Variants in TRPM3 observed in about 807,000 individuals in gnomAD.
TRPM3 encodes the protein transient receptor potential cation channel subfamily M member 3, also known as long transient receptor potential channel 3.
TRPM3 carries 77 observed loss-of-function variants against 181.2 expected under a neutral mutation model. The ratio of observed to expected loss-of-function variants is 0.42; its 90% CI spans 0.35 to 0.51. TRPM3 has a LOEUF of 0.51. Among genes scored for constraint, TRPM3 ranks in the 20% least tolerant of loss-of-function variants. The pLI, the probability that TRPM3 is intolerant of heterozygous loss-of-function variation, is 0.01. For missense variants in TRPM3, 1,759 were observed against 2,196.7 expected (o/e 0.80, Z 3.98); for synonymous variants, 745 against 796.4 (o/e 0.94, Z 1.09).
At chr9:71,165,414 T>C (rs1211750102) in intron 1 of TRPM3, among the ~76,000 whole-genome samples, 1 of 152,136 alleles carries the variant, frequency 6.6e-6, no homozygotes, top group African/African-American at 2.4e-5. Flanking sequence ...GGTTTCTGCC[T>C]CAAAGTAGCT....
intron 8 of TRPM3, among the ~76,000 whole-genome samples, chr9:70,698,740 T>C (rs1285923253): frequency 6.6e-5 from 10 of 152,040 alleles, no homozygotes; most frequent in Admixed American, 2.0e-4. Context: ...CCATCCCCCC[T>C]TGGTACTGTA....
At chr9:70,893,540 T>C (rs1415341261) in intron 1 of TRPM3, among the ~76,000 whole-genome samples, 1 of 152,044 alleles carries the variant, frequency 6.6e-6, no homozygotes, top group Non-Finnish European at 1.5e-5. Flanking sequence ...CTACGAATGG[T>C]TTATGGAATA....
rs563272469 is a variant in TRPM3, at chr9:71,403,368, C to T, written c.183+43285G>A. ...ACTCCTGTTCTAGAGAAAGAAGCAA[C>T]GGAAGATTTAGAAACTGAGTTTGTC... On this transcript the variant is annotated intron_variant, in intron 1 of 24. Transcript: ENST00000357533. Among the ~76,000 whole-genome samples, 26 of 152,120 alleles carry T rather than the reference C, an allele frequency of 1.7e-4. No homozygotes were observed. The South Asian group carries it at 4.6e-3, about 27-fold the overall frequency.
chr9:70,557,070 G>A (rs192715733), intron 22 of TRPM3, among the ~76,000 whole-genome samples: 21 of 152,324 alleles, frequency 1.4e-4, no homozygotes, highest in African/African-American at 5.1e-4. Context: ...GTTATAATAT[G>A]CTGAATACAG....
chr9:71,134,660 T>C (rs1252654283), intron 1 of TRPM3, among the ~76,000 whole-genome samples: 1 of 152,016 alleles, frequency 6.6e-6, no homozygotes, highest in East Asian at 1.9e-4. Flanking sequence ...ACAAATTCAA[T>C]CCTGCATAAT....
At chr9:70,958,369 A>T (rs1464468602) in intron 1 of TRPM3, among the ~76,000 whole-genome samples, 2 of 152,208 alleles carry the variant, frequency 1.3e-5, no homozygotes, top group African/African-American at 2.4e-5. Context: ...TTATTATAAC[A>T]TATAGCAACT....
At chr9:71,101,816 C>T (rs1221881730) in intron 1 of TRPM3, among the ~76,000 whole-genome samples, 1 of 152,128 alleles carries the variant, frequency 6.6e-6, no homozygotes, top group Non-Finnish European at 1.5e-5. Context: ...AGGTCATTGG[C>T]TCCTGTGACA....
At chr9:71,324,545 G>A (rs2089505762) in intron 1 of TRPM3, among the ~76,000 whole-genome samples, 1 of 151,660 alleles carries the variant, frequency 6.6e-6, no homozygotes, top group South Asian at 2.1e-4. Flanking sequence ...ATCCACTATG[G>A]AAAACAGTAT....
intron 7 of TRPM3, among the ~76,000 whole-genome samples, chr9:70,778,306 C>G (rs1003349887): frequency 4.6e-5 from 7 of 152,260 alleles, no homozygotes; most frequent in Admixed American, 4.6e-4. Context: ...CTCTTGTGAC[C>G]TTTTGTGCCT....
intron 1 of TRPM3, among the ~76,000 whole-genome samples, chr9:71,095,383 G>A (rs2066966496): frequency 7.6e-5 from 2 of 26,274 alleles, no homozygotes; most frequent in Non-Finnish European, 1.2e-4. Flanking sequence ...GGGCACGACG[G>A]GAGATCCTCT....
intron 1 of TRPM3, among the ~76,000 whole-genome samples, chr9:70,942,355 T>C (rs1312748159): frequency 6.6e-6 from 1 of 152,116 alleles, no homozygotes; most frequent in East Asian, 1.9e-4. Flanking sequence ...GAGATTACTA[T>C]AAACATATCT....
At chr9:71,273,206 A>G (rs1343032887) in intron 1 of TRPM3, among the ~76,000 whole-genome samples, 1 of 152,218 alleles carries the variant, frequency 6.6e-6, no homozygotes, top group African/African-American at 2.4e-5. Context: ...TGGCATGACC[A>G]GAATCCTGAA....
Position 71,372,978 on chromosome 9 carries a change from A to C in TRPM3, c.183+73675T>G, listed in dbSNP as rs987608864. 2.0e-5 allele frequency among the ~76,000 whole-genome samples: 3 copies of C among 152,190 alleles called. No homozygotes were observed. The East Asian group carries it at 5.8e-4, about 29-fold the overall frequency. On this transcript the variant is annotated intron_variant, in intron 1 of 24. Coordinates refer to the TRPM3 transcript ENST00000357533. ...CTCAAGACTAAGATATTCACTCAAAACCACACAAATACATGGGAATTGAAC... is the reference window on the plus strand; with the variant it reads ...CTCAAGACTAAGATATTCACTCAAACCCACACAAATACATGGGAATTGAAC...
intron 1 of TRPM3, among the ~76,000 whole-genome samples, chr9:71,112,578 CAT>C (rs2071361648): frequency 6.6e-6 from 1 of 152,086 alleles, no homozygotes; most frequent in Non-Finnish European, 1.5e-5. Flanking sequence ...TAATCAAAAA[CAT>C]AGTTACTCAT....
chr9:70,983,150 T>C (rs780840887), intron 1 of TRPM3, among the ~76,000 whole-genome samples: 8 of 152,130 alleles, frequency 5.3e-5, no homozygotes, highest in Non-Finnish European at 1.2e-4. Context: ...CATTAGACAC[T>C]GTAAATCACT....
intron 1 of TRPM3, among the ~76,000 whole-genome samples, chr9:71,035,653 G>A (rs2058088736): frequency 1.3e-5 from 2 of 152,264 alleles, no homozygotes; most frequent in South Asian, 4.2e-4. Flanking sequence ...GGAGGCAGAG[G>A]TTGCAGTGAG....
intron 3 of TRPM3, among the ~76,000 whole-genome samples, chr9:70,862,318 TC>T: frequency 6.6e-6 from 1 of 152,234 alleles, no homozygotes; most frequent in African/African-American, 2.4e-5. Flanking sequence ...TTTGCATATT[TC>T]CTAAAGTCTC....
chr9:71,144,268 C>T (rs2075289306), intron 1 of TRPM3, among the ~76,000 whole-genome samples: 1 of 152,118 alleles, frequency 6.6e-6, no homozygotes, highest in Admixed American at 6.6e-5. Context: ...AAGCAAGTTA[C>T]TTTTAAAGGG....
chr9:70,692,577 A>T lies in TRPM3; in HGVS notation c.1273-10999T>A, dbSNP rs182771041. 2.5e-3 allele frequency among the ~76,000 whole-genome samples: 385 copies of T among 152,352 alleles called. 7 individuals are homozygous for T. The highest frequency in any genetic ancestry group is 2.2e-3 in the Non-Finnish European group (152 of 68,034). On this transcript the variant is annotated intron_variant, in intron 8 of 25. Coordinates refer to ENST00000677713, the MANE Select transcript of TRPM3 (RefSeq NM_001366145.2). ...TAAAATGGCACTGCAAAACACAGGC[A>T]TGTGCATATGTTGAGAATGTAGCCT...
Sources: allele counts gnomAD v4.1 joint callset (sites outside exome capture counted in the v4.1 genomes callset), GRCh38; gene constraint gnomAD v4.1.1; transcripts MANE v1.5; gene names NCBI Gene and HGNC (gene_info 2026-07-23, HGNC 2026-07-21).